The following MIA2 variants were observed in gnomAD, a reference collection of about 807,000 sequenced individuals.
MIA2 encodes the protein melanoma inhibitory activity protein 2.
Under a neutral mutation model 167.8 loss-of-function variants are expected in MIA2, and 127 were observed. The observed-to-expected ratio is 0.76, with a 90% CI of 0.66 to 0.88. The LOEUF (loss-of-function observed/expected upper bound fraction) is 0.88, where lower values mean the gene tolerates loss of function less well. MIA2 is among the 40% of genes least tolerant of loss of function. MIA2 has a pLI of 0.00. For synonymous variants in MIA2, 552 were observed against 541.9 expected (o/e 1.02, Z -0.26); for missense variants, 1,690 against 1,624.7 (o/e 1.04, Z -0.69).
At chr14:39,311,461 TG>T (rs2064225524) in intron 18 of MIA2, among the ~76,000 whole-genome samples, 1 of 115,502 alleles carries the variant, frequency 8.7e-6, no homozygotes. Context: ...AAGCTTGATG[TG>T]TTGCTTTTTT....
At chr14:39,383,560 C>G (rs904657297) in intron 23 of MIA2, among the ~76,000 whole-genome samples, 4 of 152,324 alleles carry the variant, frequency 2.6e-5, no homozygotes, top group African/African-American at 9.6e-5. Flanking sequence ...TCCTATGTCT[C>G]TCACTTCAAA....
chr14:39,280,109 T>C (rs1453247461), intron 9 of MIA2, among the ~76,000 whole-genome samples: 1 of 152,166 alleles, frequency 6.6e-6, no homozygotes, highest in East Asian at 1.9e-4. Flanking sequence ...ATGCCATTTA[T>C]TGGAAGGACC....
intron 24 of MIA2, among the ~76,000 whole-genome samples, chr14:39,322,312 G>A (rs905127603): frequency 3.9e-5 from 6 of 151,960 alleles, no homozygotes; most frequent in East Asian, 1.9e-4. Context: ...GGAGGCCGAC[G>A]GGGGCAGATC....
chr14:39,271,476 C>G (rs1273397121), intron 6 of MIA2, among the ~76,000 whole-genome samples: 1 of 151,962 alleles, frequency 6.6e-6, no homozygotes, highest in Non-Finnish European at 1.5e-5. Context: ...ATTGTTTTGG[C>G]TATGTGGAGT....
At position 39,359,393 on chromosome 14, in the gene MIA2, C is replaced by G. The variant is rs117945991; in HGVS notation, c.2248+10416C>G. Among the ~76,000 whole-genome samples the G allele has an allele frequency of 4.4e-3, 663 of 152,268 alleles. 1 individual carries two copies. Among genetic ancestry groups the G allele is most frequent in the Non-Finnish European group, 7.5e-3 (507 of 67,998 alleles). ...CTTCTGGTGTGCCGTTTGATAAGAC[C>G]GTTGGAAAAACGCAGTATTAGGGTG... On this transcript the variant is annotated intron_variant, in intron 23 of 23. Transcript: ENST00000341502.
chr14:39,332,514 G>A (rs1421074405), intron 25 of MIA2, among the ~76,000 whole-genome samples: 1 of 152,106 alleles, frequency 6.6e-6, no homozygotes, highest in Non-Finnish European at 1.5e-5. Flanking sequence ...TTTGAAAGAC[G>A]AGGCATCCTG....
At chr14:39,318,741 G>T (rs551490707) in intron 22 of MIA2, among the ~76,000 whole-genome samples, 4 of 152,228 alleles carry the variant, frequency 2.6e-5, no homozygotes, top group African/African-American at 9.6e-5. Context: ...GATTTCCAGT[G>T]TTGTAACTGG....
chr14:39,353,923 C>T (rs747783464), downstream of MIA2, among the ~76,000 whole-genome samples: 1 of 152,184 alleles, frequency 6.6e-6, no homozygotes, highest in Admixed American at 6.5e-5. Flanking sequence ...CATAGTATTC[C>T]ATGGTGTATA....
At chr14:39,288,279 T>C (rs1190957217) in intron 9 of MIA2, among the ~76,000 whole-genome samples, 3 of 151,246 alleles carry the variant, frequency 2.0e-5, no homozygotes, top group Admixed American at 6.6e-5. Context: ...CTGGGCAACA[T>C]AGGAGAACCT....
chr14:39,387,022 C>T, exon 24 of MIA2: 2 of 737,596 alleles, frequency 2.7e-6, no homozygotes, highest in South Asian at 3.2e-5. Flanking sequence ...GGAACAGAAG[C>T]CAGAAGGCCC....
At chr14:39,326,180 C>T (rs1010249502) in intron 24 of MIA2, among the ~76,000 whole-genome samples, 1 of 152,124 alleles carries the variant, frequency 6.6e-6, no homozygotes, top group Non-Finnish European at 1.5e-5. Flanking sequence ...TTGAAACTAT[C>T]GTTTTAGACT....
Position 39,283,993 on chromosome 14 carries a change from G to C in MIA2, c.2130+4456G>C, listed in dbSNP as rs965305270. On this transcript the variant is annotated intron_variant, in intron 9 of 28. Coordinates refer to ENST00000640607, the MANE Select transcript of MIA2 (RefSeq NM_001329214.4). ...ATATTTTTATTTTTTTTACCTTGCAGCTTCACCTCAAAGGAACTTTCATTT... is the reference window on the plus strand; with the variant it reads ...ATATTTTTATTTTTTTTACCTTGCACCTTCACCTCAAAGGAACTTTCATTT... Among the ~76,000 whole-genome samples, 6 of 151,906 alleles carry C rather than the reference G, an allele frequency of 3.9e-5. No individual in the cohort carries two copies. In the South Asian group the frequency reaches 8.3e-4, roughly 21 times the overall value.
intron 16 of MIA2, 46 bp from the exon 17 acceptor site, chr14:39,304,245 G>T (rs747463524): frequency 1.1e-6 from 1 of 870,798 alleles, no homozygotes; most frequent in South Asian, 1.8e-5. Context: ...TTATTTTTTT[G>T]TATAACTGAT....
chr14:39,299,765 C>G, intron 13 of MIA2, 99 bp from the exon 14 acceptor site: 2 of 1,261,692 alleles, frequency 1.6e-6, no homozygotes, highest in Non-Finnish European at 1.1e-6. Context: ...AAAATAGGAG[C>G]CATGTTTTTC....
At chr14:39,380,289 C>T (rs2075128577) in intron 23 of MIA2, among the ~76,000 whole-genome samples, 1 of 151,774 alleles carries the variant, frequency 6.6e-6, no homozygotes, top group Admixed American at 6.6e-5. Context: ...AAAAGTTAAA[C>T]TTTTGGGTCA....
At chr14:39,378,873 A>T (rs2075097489) in intron 23 of MIA2, among the ~76,000 whole-genome samples, 1 of 152,276 alleles carries the variant, frequency 6.6e-6, no homozygotes, top group South Asian at 2.1e-4. Context: ...TTTGTCAAAT[A>T]TAAAGAGTTT....
chr14:39,238,934 A>G (rs956183530), intron 2 of MIA2, among the ~76,000 whole-genome samples: 2 of 152,010 alleles, frequency 1.3e-5, no homozygotes, highest in African/African-American at 4.8e-5. Context: ...AATGATTAAT[A>G]CTTTCCATTG....
chr14:39,319,047 A>T (rs143938291), intron 22 of MIA2, among the ~76,000 whole-genome samples, 162 bp from the exon 23 acceptor site: 1 of 152,256 alleles, frequency 6.6e-6, no homozygotes, highest in African/African-American at 2.4e-5. Context: ...GTTAATAAGC[A>T]GTGGGAGATA....
intron 2 of MIA2, among the ~76,000 whole-genome samples, chr14:39,238,811 A>ACAAAACAAAAAAC (rs1555342105): frequency 9.7e-6 from 1 of 103,608 alleles, no homozygotes; most frequent in Non-Finnish European, 1.9e-5. Flanking sequence ...AAAAAAAAAA[A>ACAAAACAAAAAAC]CCCAAAAAAC....
Sources: allele counts gnomAD v4.1 joint callset (sites outside exome capture counted in the v4.1 genomes callset), GRCh38; gene constraint gnomAD v4.1.1; transcripts MANE v1.5; gene names NCBI Gene and HGNC (gene_info 2026-07-23, HGNC 2026-07-21).